Variants in GABRP observed in about 807,000 individuals in gnomAD.
The protein encoded by GABRP is gamma-aminobutyric acid receptor subunit pi.
In GABRP, 52 loss-of-function variants were observed where a neutral mutation model predicts 47.8. The observed-to-expected ratio is 1.09, with a 90% CI of 0.87 to 1.37. GABRP has a LOEUF of 1.37. Ranked by LOEUF, GABRP falls within the 40% of genes most tolerant of loss-of-function variation. The pLI is 0.00. For synonymous variants in GABRP, 221 were observed against 205.8 expected, an observed-to-expected ratio of 1.07 and a Z score of -0.63; for missense variants, 525 against 542.8, an observed-to-expected ratio of 0.97 and a Z score of 0.33.
intron 3 of GABRP, among the ~76,000 whole-genome samples, 167 bp from the exon 4 acceptor site, chr5:170,794,064 T>C (rs1765353066): frequency 6.6e-6 from 1 of 152,190 alleles, no homozygotes; most frequent in Non-Finnish European, 1.5e-5. Context: ...ATGGTTACTC[T>C]TGAGAGGGGA....
intron 8 of GABRP, among the ~76,000 whole-genome samples, chr5:170,809,104 T>G (rs1025972582): frequency 3.9e-5 from 6 of 152,156 alleles, no homozygotes; most frequent in Admixed American, 2.6e-4. Context: ...GCCCAACTTA[T>G]TTTTGTATTT....
chr5:170,801,160 G>A (rs896136503), intron 6 of GABRP, among the ~76,000 whole-genome samples: 7 of 152,122 alleles, frequency 4.6e-5, no homozygotes, highest in Admixed American at 2.0e-4. Flanking sequence ...GTAGCCGCAC[G>A]GGGACTTCAA....
At chr5:170,790,796 G>A (rs1765244189) in intron 3 of GABRP, among the ~76,000 whole-genome samples, 1 of 152,188 alleles carries the variant, frequency 6.6e-6, no homozygotes, top group South Asian at 2.1e-4. Flanking sequence ...ACTGTGTTCA[G>A]TCTGTGGTTG....
intron 8 of GABRP, among the ~76,000 whole-genome samples, chr5:170,809,128 G>A (rs1340498447): frequency 6.6e-6 from 1 of 152,030 alleles, no homozygotes. Context: ...GTAGAGATGG[G>A]GTTTCACCAC....
At chr5:170,788,281 T>C (rs1023439724) in intron 1 of GABRP, 3 of 208,808 alleles carry the variant, frequency 1.4e-5, no homozygotes, top group African/African-American at 7.0e-5. Flanking sequence ...GCCTGGGAAG[T>C]TGAGCTGCAG....
chr5:170,799,467 G>T (rs191562088), intron 6 of GABRP, among the ~76,000 whole-genome samples: 6 of 152,214 alleles, frequency 3.9e-5, no homozygotes, highest in African/African-American at 1.4e-4. Flanking sequence ...TTTAATGATT[G>T]CCATTCTAAC....
intron 6 of GABRP, 90 bp from the exon 7 acceptor site, chr5:170,805,626 A>G: frequency 7.2e-7 from 1 of 1,396,822 alleles, no homozygotes; most frequent in Non-Finnish European, 9.8e-7. Context: ...GAAAGAACTC[A>G]TGCTGTCTCC....
intron 6 of GABRP, among the ~76,000 whole-genome samples, chr5:170,800,154 A>T (rs1033234073): frequency 3.3e-5 from 5 of 152,194 alleles, no homozygotes; most frequent in Non-Finnish European, 7.3e-5. Flanking sequence ...ATATAGACCA[A>T]TGGAACCAAA....
intron 5 of GABRP, among the ~76,000 whole-genome samples, chr5:170,796,965 C>T (rs1427950376): frequency 6.6e-6 from 1 of 152,234 alleles, no homozygotes; most frequent in Non-Finnish European, 1.5e-5. Context: ...GGGGCCCCCA[C>T]TGCCTCTGCA....
chr5:170,799,470 A>G (rs74687155), intron 6 of GABRP, among the ~76,000 whole-genome samples: 30,862 of 151,968 alleles, frequency 0.2, 3,345 homozygotes, highest in East Asian at 0.27. Context: ...AATGATTGCC[A>G]TTCTAACTGC....
intron 4 of GABRP, 76 bp downstream of exon 4, chr5:170,794,374 TCAAAAAAA>T: frequency 4.7e-6 from 1 of 213,260 alleles, no homozygotes; most frequent in Non-Finnish European, 7.5e-6. Flanking sequence ...TTCTAGCCGC[TCAAAAAAA>T]AAAAAAAAAA....
At chr5:170,804,231 T>C (rs1765670779) in intron 6 of GABRP, among the ~76,000 whole-genome samples, 1 of 147,130 alleles carries the variant, frequency 6.8e-6, no homozygotes, top group African/African-American at 2.7e-5. Context: ...ATAGATGAGA[T>C]AGATATATAT....
intron 6 of GABRP, among the ~76,000 whole-genome samples, chr5:170,802,407 T>C (rs1297221449): frequency 2.0e-5 from 3 of 152,154 alleles, no homozygotes; most frequent in Non-Finnish European, 4.4e-5. Flanking sequence ...AGCACAGCCA[T>C]TATGAAGCAG....
chr5:170,798,493 C>A (rs953198466), intron 6 of GABRP, among the ~76,000 whole-genome samples: 1 of 152,112 alleles, frequency 6.6e-6, no homozygotes, highest in African/African-American at 2.4e-5. Context: ...TCGGTGACAA[C>A]AAATATAGAC....
chr5:170,798,733 C>T (rs889214396), intron 6 of GABRP, among the ~76,000 whole-genome samples: 2 of 152,064 alleles, frequency 1.3e-5, no homozygotes, highest in African/African-American at 2.4e-5. Context: ...TCCAGGGCTA[C>T]ATTTTTAGGT....
At chr5:170,794,975 T>G (rs1013769551) in intron 4 of GABRP, among the ~76,000 whole-genome samples, 2 of 148,608 alleles carry the variant, frequency 1.3e-5, no homozygotes, top group Non-Finnish European at 3.0e-5. Flanking sequence ...GTTCTCTTAT[T>G]GCAATATGCC....
At chr5:170,805,262 C>T (rs1233769362) in intron 6 of GABRP, among the ~76,000 whole-genome samples, 1 of 151,894 alleles carries the variant, frequency 6.6e-6, no homozygotes, top group East Asian at 1.9e-4. Context: ...TTTTTACAGG[C>T]TTTAATAAAG....
intron 1 of GABRP, among the ~76,000 whole-genome samples, chr5:170,787,595 G>A (rs533255330): frequency 6.6e-6 from 1 of 151,774 alleles, no homozygotes; most frequent in Non-Finnish European, 1.5e-5. Flanking sequence ...GCCCCAGCCT[G>A]CTCTGAAGGA....
At chr5:170,809,873 G>A (rs142901226) in intron 9 of GABRP, 118 bp downstream of exon 9, 10 of 954,466 alleles carry the variant, frequency 1.0e-5, no homozygotes, top group African/African-American at 3.2e-5. Flanking sequence ...CTGTGCTCCA[G>A]TGAGTCTTAT....
Sources: allele counts gnomAD v4.1 joint callset (sites outside exome capture counted in the v4.1 genomes callset), GRCh38; gene constraint gnomAD v4.1.1; transcripts MANE v1.5; gene names NCBI Gene and HGNC (gene_info 2026-07-23, HGNC 2026-07-21).